DUOX2: variants seen among roughly 807,000 people sequenced by gnomAD.
DUOX2 encodes the protein dual oxidase 2, also known as NADH/NADPH thyroid oxidase p138-tox.
Under a neutral mutation model 183.3 loss-of-function variants are expected in DUOX2, and 185 were observed. The observed-to-expected ratio is 1.01, with a 90% CI of 0.90 to 1.14. DUOX2 has a LOEUF of 1.14. Among genes scored for constraint, DUOX2 ranks in the 50% most tolerant of loss-of-function variants. DUOX2 has a pLI of 0.00. For missense variants in DUOX2, 1,999 were observed against 2,022.9 expected (o/e 0.99, Z 0.23); for synonymous variants, 788 against 812.4 (o/e 0.97, Z 0.51).
intron 11 of DUOX2, chr15:45,109,232 C>G (rs974200389): frequency 1.7e-6 from 1 of 600,260 alleles, no homozygotes. Flanking sequence ...AGTTTCAAGA[C>G]AGGGCTGAAT....
chr15:45,104,032 C>T lies in DUOX2; in HGVS notation c.2582G>A (p.Arg861His), dbSNP rs573487375. 2.8e-5 allele frequency: 46 copies of T among 1,614,120 alleles called. No homozygotes were observed. The highest frequency in any genetic ancestry group is 3.3e-4 in the Middle Eastern group (2 of 6,062). Residue 861 changes from arginine to histidine, a missense_variant, in exon 20 of 34, where the codon CGT becomes CAT. Transcript: ENST00000389039. ...FMKGSPEDKS[R>H]LMFTMYDLDE... ...CAGGTCATACATGGTAAACATTAGACGGGACTTATCCTCTGGGGAGCCTGG... is the reference window on the plus strand; with the variant it reads ...CAGGTCATACATGGTAAACATTAGATGGGACTTATCCTCTGGGGAGCCTGG...
In DUOX2 at chr15:45,094,343, TC is replaced by T. The variant is rs912216264; in HGVS notation, c.4525-72del. On this transcript the variant is annotated intron_variant, in intron 33 of 33. Coordinates refer to ENST00000389039, the MANE Select transcript of DUOX2 (RefSeq NM_001363711.2). ...CTCACTCTCCTTGGGAAAAGCTGCT[TC>T]CTGAGCCTGGCTGGAATGACTAAGG... 77 of 1,608,364 alleles carry T rather than the reference TC, an allele frequency of 4.8e-5. No individual in the cohort carries two copies. The African/African-American group carries it at 9.6e-4, about 20-fold the overall frequency.
intron 26 of DUOX2, among the ~76,000 whole-genome samples, 194 bp from the exon 27 acceptor site, chr15:45,098,252 T>C (rs930202678): frequency 6.6e-6 from 1 of 152,164 alleles, no homozygotes; most frequent in Non-Finnish European, 1.5e-5. Flanking sequence ...CAGCAATTTT[T>C]CCTTCTGTGT....
chr15:45,094,864 C>A (rs2141139283), intron 32 of DUOX2, 72 bp downstream of exon 32: 2 of 1,606,170 alleles, frequency 1.2e-6, no homozygotes, highest in South Asian at 1.1e-5. Context: ...ACCCACCTGC[C>A]CTGGCCATCC....
At chr15:45,112,488 C>A in intron 4 of DUOX2, 66 bp downstream of exon 4, 1 of 1,589,530 alleles carries the variant, frequency 6.3e-7, no homozygotes. Context: ...CAGACGGGAT[C>A]TGGCCCCTCC....
intron 3 of DUOX2, 130 bp downstream of exon 3, chr15:45,112,857 C>T: frequency 6.5e-7 from 1 of 1,544,588 alleles, no homozygotes; most frequent in Non-Finnish European, 8.9e-7. Context: ...CCCGGGAGCG[C>T]ATAAGATTGC....
chr15:45,099,358 A>C, intron 26 of DUOX2, 25 bp downstream of exon 26: 1 of 1,605,840 alleles, frequency 6.2e-7, no homozygotes, highest in African/African-American at 1.3e-5. Flanking sequence ...TATGAGTCCC[A>C]GGAGAAACCA....
In DUOX2 at chr15:45,108,778, C is replaced by A. The variant is rs1189500410; in HGVS notation, c.1398+11G>T. ...GCTTTAGCTGCCATTATTATCATTA[C>A]TATTCCTGACCTGGGGGTCCACATT... On this transcript the variant is annotated intron_variant, in intron 12 of 33. Coordinates refer to ENST00000389039, the MANE Select transcript of DUOX2 (RefSeq NM_001363711.2). 4 of 1,614,078 alleles carry A rather than the reference C, an allele frequency of 2.5e-6. No individual in the cohort carries two copies. Among genetic ancestry groups the A allele is most frequent in the Non-Finnish European group, 3.4e-6 (4 of 1,180,012 alleles).
At chr15:45,101,744 T>G in intron 21 of DUOX2, 49 bp downstream of exon 21, 1 of 1,613,324 alleles carries the variant, frequency 6.2e-7, no homozygotes, top group Non-Finnish European at 8.5e-7. Context: ...ACTCTCATTT[T>G]GAGGACACGC....
chr15:45,111,852 G>A lies in DUOX2; in HGVS notation c.429C>T (p.Asp143=). Residue 143 remains aspartate, a synonymous_variant, in exon 5 of 34, where the codon GAC becomes GAT. Transcript: ENST00000389039. The part of the protein sequence containing the change: ...IPPGDPVFDP[D]QRGDVVLPFQ... ...AGGGCAGCACCACGTCCCCGCGCTG[G>A]TCGGGGTCGAACACGGGGTCTCCAG... The A allele has an allele frequency of 6.2e-7, 1 of 1,613,626 alleles. No homozygotes were observed. Among genetic ancestry groups the A allele is most frequent in the Non-Finnish European group, 8.5e-7 (1 of 1,179,980 alleles).
At position 45,094,685 on chromosome 15, in the gene DUOX2, A is replaced by G. The variant is rs777339722; in HGVS notation, c.4402T>C (p.Cys1468Arg). 1 of 1,614,076 alleles carries G rather than the reference A, an allele frequency of 6.2e-7. No homozygotes were observed. Among genetic ancestry groups the G allele is most frequent in the Non-Finnish European group, 8.5e-7 (1 of 1,179,982 alleles). ...FDLRTTMLYICERHFQKVLNR... is the reference protein window; with the variant it reads ...FDLRTTMLYIRERHFQKVLNR... ...AGCACTTTCTGGAAGTGCCGCTCGC[A>G]GATGTACTGGGGGCACAGGGGCAGG... The change falls in exon 33 of 34, where the codon TGC becomes CGC. Residue 1468 changes from cysteine (C) to arginine (R), a missense_variant. By Grantham distance (180) the Cys-to-Arg change is radical (BLOSUM62 -3). Coordinates refer to ENST00000389039, the MANE Select transcript of DUOX2 (RefSeq NM_001363711.2).
intron 10 of DUOX2, 21 bp downstream of exon 10, chr15:45,109,868 CT>C (rs780263484): frequency 6.2e-7 from 1 of 1,612,384 alleles, no homozygotes; most frequent in Admixed American, 1.7e-5. Context: ...CCATCTTCCC[CT>C]GACCCTGACC....
intron 13 of DUOX2, 127 bp downstream of exon 13, chr15:45,107,920 A>G: frequency 3.4e-6 from 3 of 881,656 alleles, no homozygotes; most frequent in Non-Finnish European, 5.7e-6. Context: ...AGAGACCCAG[A>G]GGGGTTGGGA....
At chr15:45,112,954 C>T (rs925956256) in intron 3 of DUOX2, 33 bp downstream of exon 3, 3 of 1,607,032 alleles carry the variant, frequency 1.9e-6, no homozygotes, top group Middle Eastern at 1.8e-4. Context: ...TCGCGAGCCA[C>T]GGCCCCAGCA....
chr15:45,106,745 C>T, intron 15 of DUOX2, 87 bp downstream of exon 15: 1 of 1,607,046 alleles, frequency 6.2e-7, no homozygotes, highest in Non-Finnish European at 8.5e-7. Flanking sequence ...TGAGCCTGGT[C>T]TCAAACGGTA....
intron 8 of DUOX2, 58 bp from the exon 9 acceptor site, chr15:45,110,582 A>G (rs1894357344): frequency 1.9e-6 from 3 of 1,613,790 alleles, no homozygotes; most frequent in Admixed American, 1.7e-5. Context: ...ACATCCTCCC[A>G]TCACAGGCAC....
In DUOX2 at chr15:45,100,737, G is replaced by A; in HGVS notation, c.3005+18C>T. 1 of 1,611,140 alleles carries A rather than the reference G, an allele frequency of 6.2e-7. No homozygotes were observed. On this transcript the variant is annotated intron_variant, in intron 23 of 33. Coordinates refer to ENST00000389039, the MANE Select transcript of DUOX2 (RefSeq NM_001363711.2). ...CTCTCCATGTCTCTTTGGGCCCAGG[G>A]ATTTGGGAGACACTCACTTTTTGCC...
intron 20 of DUOX2, among the ~76,000 whole-genome samples, 198 bp downstream of exon 20, chr15:45,103,762 C>A (rs1309110765): frequency 1.3e-5 from 2 of 151,792 alleles, no homozygotes; most frequent in African/African-American, 2.4e-5. Context: ...ACAGTCCAGA[C>A]AGAGACTCTC....
At chr15:45,104,757 C>T (rs1894171932) in intron 18 of DUOX2, among the ~76,000 whole-genome samples, 2 of 152,184 alleles carry the variant, frequency 1.3e-5, no homozygotes, top group Non-Finnish European at 2.9e-5. Flanking sequence ...ATAAGGCTGC[C>T]ATGTGCCTAT....
Sources: allele counts gnomAD v4.1 joint callset (sites outside exome capture counted in the v4.1 genomes callset), GRCh38; gene constraint gnomAD v4.1.1; transcripts MANE v1.5; gene names NCBI Gene and HGNC (gene_info 2026-07-23, HGNC 2026-07-21).